The following BTBD3 variants were observed in gnomAD, a reference collection of about 807,000 sequenced individuals.
BTBD3 encodes BTB domain containing 3.
In BTBD3, 14 loss-of-function variants were observed where a neutral mutation model predicts 41.6. That is an observed-to-expected ratio of 0.34 (90% CI 0.22 to 0.53). The LOEUF is 0.53. Among genes scored for constraint, BTBD3 ranks in the 20% least tolerant of loss-of-function variants. BTBD3 has a pLI of 0.95. For synonymous variants in BTBD3, 249 were observed against 233.7 expected, an observed-to-expected ratio of 1.07 and a Z score of -0.60; for missense variants, 426 against 654.7, an observed-to-expected ratio of 0.65 and a Z score of 3.81.
At chr20:11,911,438 C>T (rs1184867338) in intron 1 of BTBD3, among the ~76,000 whole-genome samples, 2 of 152,090 alleles carry the variant, frequency 1.3e-5, no homozygotes, top group Non-Finnish European at 2.9e-5. Context: ...GTCAATACAC[C>T]TGAGGAAATG....
intron 1 of BTBD3, among the ~76,000 whole-genome samples, chr20:11,892,098 A>G (rs1286649020): frequency 6.6e-6 from 1 of 152,220 alleles, no homozygotes; most frequent in East Asian, 1.9e-4. Flanking sequence ...ATGAAACTCA[A>G]ATTCATTTTC....
chr20:11,922,492 T>C (rs1027444946), intron 3 of BTBD3, 142 bp from the exon 4 acceptor site: 2 of 653,708 alleles, frequency 3.1e-6, no homozygotes, highest in Non-Finnish European at 5.2e-6. Context: ...GTTTCGAATG[T>C]TCCTTTACTC....
In BTBD3 at chr20:11,912,230, A is replaced by G. The variant is rs575625204; in HGVS notation, c.-125-6104A>G. ...TCGAGAGAGGCCAAATTGAGTTGCT[A>G]GTGAGATATGGCTGGGTGGCTAGAT... On this transcript the variant is annotated intron_variant, in intron 1 of 4. Transcript: ENST00000254977. Among the ~76,000 whole-genome samples the G allele has an allele frequency of 5.8e-4, 89 of 152,260 alleles. 1 individual carries two copies. Among genetic ancestry groups the G allele is most frequent in the Non-Finnish European group, 1.0e-3 (71 of 68,018 alleles).
intron 1 of BTBD3, 130 bp from the exon 2 acceptor site, chr20:11,918,956 A>G: frequency 3.0e-6 from 2 of 659,442 alleles, no homozygotes; most frequent in Middle Eastern, 2.5e-4. Flanking sequence ...TAGAACCTTT[A>G]TTTGTTGTTT....
Position 11,917,994 on chromosome 20 carries a change from G to C in BTBD3, c.-282G>C. On this transcript the variant is annotated 5_prime_UTR_variant, in exon 1 of 4. Transcript: ENST00000378226. ...CTACAGCTCTGTGCCTGTCATCTTTGCAGTGTAGCATTTTCAGGTGATCTA... is the reference window on the plus strand; with the variant it reads ...CTACAGCTCTGTGCCTGTCATCTTTCCAGTGTAGCATTTTCAGGTGATCTA... 8.7e-7 allele frequency: 1 copy of C among 1,149,296 alleles called. No individual in the cohort carries two copies. The highest frequency in any genetic ancestry group is 1.1e-6 in the Non-Finnish European group (1 of 935,032). 71.2% of individuals were successfully genotyped at this position (1,149,296 alleles called of 1,614,324 possible).
upstream of BTBD3, among the ~76,000 whole-genome samples, chr20:11,914,496 T>C (rs1383396442): frequency 1.3e-5 from 2 of 152,152 alleles, no homozygotes; most frequent in African/African-American, 4.8e-5. Context: ...TTGAGGAGTT[T>C]CATGAACTTG....
In BTBD3 at chr20:11,922,631, C is replaced by G; in HGVS notation, c.537-3C>G. 1 of 1,599,278 alleles carries G rather than the reference C, an allele frequency of 6.3e-7. No individual in the cohort carries two copies. ...CCACTTACATGTTATGTGCTTTTTA[C>G]AGATATATCTATTGTGATGAAATTG... On this transcript the variant is annotated splice_polypyrimidine_tract_variant and splice_region_variant and intron_variant, in intron 3 of 3. Transcript: ENST00000378226.
At position 11,923,723 on chromosome 20, in the gene BTBD3, CT is replaced by C; in HGVS notation, c.*58del. On this transcript the variant is annotated 3_prime_UTR_variant, in exon 4 of 4. Coordinates refer to ENST00000378226, the MANE Select transcript of BTBD3 (RefSeq NM_014962.4). The surrounding 1 kb of genome is among the most constrained non-coding windows in gnomAD (Gnocchi z 5.3). ...AAGTGCACATCTGGTTCCAACTTGC[CT>C]GATGCTTAGCTCATCTGCAAATATG... 1 of 1,487,620 alleles carries C rather than the reference CT, an allele frequency of 6.7e-7. No individual in the cohort carries two copies. Among genetic ancestry groups the C allele is most frequent in the Non-Finnish European group, 9.1e-7 (1 of 1,099,048 alleles). The allele number at this position is 1,487,620 out of a possible 1,614,324, so 92.2% of individuals were successfully genotyped here.
upstream of BTBD3, chr20:11,917,890 T>C: frequency 9.9e-7 from 1 of 1,008,110 alleles, no homozygotes; most frequent in Non-Finnish European, 1.2e-6. Context: ...CTCCGATCCA[T>C]TCACCACACA....
At chr20:11,911,145 GA>G (rs33983800) in intron 1 of BTBD3, among the ~76,000 whole-genome samples, 109,805 of 150,442 alleles carry the variant, frequency 0.73, 40,356 homozygotes, top group Non-Finnish European at 0.78. Flanking sequence ...GCTAAGAAAG[GA>G]AAAAAAAAAG....
chr20:11,894,797 C>G (rs2056776861), intron 1 of BTBD3, among the ~76,000 whole-genome samples: 1 of 152,082 alleles, frequency 6.6e-6, no homozygotes, highest in South Asian at 2.1e-4. Flanking sequence ...AAAGACCCTG[C>G]AAATGGCCCC....
chr20:11,924,908 A>G lies in BTBD3; in HGVS notation c.*1242A>G, dbSNP rs977156955. On this transcript the variant is annotated 3_prime_UTR_variant, in exon 4 of 4. Transcript: ENST00000378226. ...TATACCTAATATTCACTGCATCAGT[A>G]TCACATCTAGCTCCCTTACTTGTCC... The G allele has an allele frequency of 1.2e-4, 19 of 152,672 alleles. No individual in the cohort carries two copies. Among genetic ancestry groups the G allele is most frequent in the Non-Finnish European group, 2.1e-4 (14 of 68,042 alleles). 9.5% of individuals were successfully genotyped at this position (152,672 alleles called of 1,614,324 possible). A position where few individuals can be genotyped will look rare whatever the true frequency, so the allele number is the denominator to read the frequency against.
chr20:11,915,921 A>G (rs930274674), upstream of BTBD3, among the ~76,000 whole-genome samples: 1 of 151,906 alleles, frequency 6.6e-6, no homozygotes, highest in African/African-American at 2.4e-5. Flanking sequence ...TTTTTCTTTA[A>G]CTTAGTGGTG....
At chr20:11,919,051 G>T in intron 1 of BTBD3, 35 bp from the exon 2 acceptor site, 1 of 1,508,600 alleles carries the variant, frequency 6.6e-7, no homozygotes, top group South Asian at 1.2e-5. Flanking sequence ...AAAAATGCAG[G>T]CTGCTGTGAA....
At chr20:11,914,461 A>C (rs1397502605), upstream of BTBD3, among the ~76,000 whole-genome samples, 1 of 152,142 alleles carries the variant, frequency 6.6e-6, no homozygotes, top group Non-Finnish European at 1.5e-5. Flanking sequence ...ATAAATGCAC[A>C]CATACTGCCA....
Position 11,922,932 on chromosome 20 carries a change from A to G in BTBD3, c.835A>G (p.Asn279Asp). Residue 279 changes from asparagine to aspartate, a missense_variant, in exon 4 of 4, where the codon AAT becomes GAT. Physicochemically the swap from Asn to Asp is conservative, Grantham distance 23. Transcript: ENST00000378226. ...AAGTATTCTCCGTAGGGAAACTCTG[A>G]ATGCCAAAGAAATTGTGGTTTTTGA... ...LESILRRETL[N>D]AKEIVVFEAA... is the part of the protein sequence containing the mutation. 1 of 1,614,240 alleles carries G rather than the reference A, an allele frequency of 6.2e-7. No individual in the cohort carries two copies. Among genetic ancestry groups the G allele is most frequent in the Non-Finnish European group, 8.5e-7 (1 of 1,180,046 alleles).
Position 11,919,067 on chromosome 20 carries a change from G to T in BTBD3, c.327-19G>T. On this transcript the variant is annotated intron_variant, in intron 1 of 3. Coordinates refer to ENST00000378226, the MANE Select transcript of BTBD3 (RefSeq NM_014962.4). ...AAAATGCAGGCTGCTGTGAATTAAT[G>T]AGTTGCCTCTGTTTATAGAAATGCG... 3 of 1,589,604 alleles carry T rather than the reference G, an allele frequency of 1.9e-6. No individual in the cohort carries two copies. The South Asian group carries it at 3.4e-5, about 18-fold the overall frequency.
Position 11,918,507 on chromosome 20 carries a change from A to G in BTBD3, c.232A>G (p.Thr78Ala). The G allele has an allele frequency of 6.2e-7, 1 of 1,614,190 alleles. No homozygotes were observed. The highest frequency in any genetic ancestry group is 8.5e-7 in the Non-Finnish European group (1 of 1,180,022). Residue 78 changes from threonine (T) to alanine (A), a missense_variant, in exon 1 of 4, where the codon ACC becomes GCC. By Grantham distance (58) the Thr-to-Ala change is moderately conservative (BLOSUM62 0). Around this residue, in one of 3 missense-constraint regions of BTBD3, gnomAD observed 52 missense variants for 45.1 expected, o/e 1.15. Transcript: ENST00000378226. ...TAAAAAGCCAGCCAACTCCAGCAGC[A>G]CCAGCGTCCAGCAGTACCACCAGCA... ...PRKKPANSSS[T>A]SVQQYHQQNL...
chr20:11,894,342 G>A (rs900563784), intron 1 of BTBD3, among the ~76,000 whole-genome samples: 2 of 152,200 alleles, frequency 1.3e-5, no homozygotes, highest in African/African-American at 4.8e-5. Flanking sequence ...ACTCTTTTAT[G>A]ACTCTTGTGG....
Sources: gnomAD v4.1 joint callset for allele counts (sites outside exome capture counted in the v4.1 genomes callset) on GRCh38, gnomAD v4.1.1 for gene constraint, gnomAD v4.1.1 regional missense constraint, Gnocchi (gnomAD v3.1) non-coding constraint, MANE v1.5 for transcripts, NCBI Gene and HGNC (gene_info 2026-07-23, HGNC 2026-07-21) for gene names.